Variants in GPHN observed in about 807,000 individuals in gnomAD.
The protein encoded by GPHN is gephyrin.
In GPHN, 17 loss-of-function variants were observed where a neutral mutation model predicts 95.5. The ratio of observed to expected loss-of-function variants is 0.18; its 90% CI spans 0.12 to 0.27. The LOEUF (loss-of-function observed/expected upper bound fraction) is 0.27, where lower values mean the gene tolerates loss of function less well. GPHN is among the 10% of genes least tolerant of loss of function. GPHN has a pLI of 1.00. For synonymous variants in GPHN, 320 were observed against 322.5 expected, an observed-to-expected ratio of 0.99 and a Z score of 0.08; for missense variants, 660 against 978.1, an observed-to-expected ratio of 0.67 and a Z score of 4.34.
intron 13 of GPHN, among the ~76,000 whole-genome samples, chr14:67,107,639 C>T (rs2078118292): frequency 6.6e-6 from 1 of 152,128 alleles, no homozygotes; most frequent in Non-Finnish European, 1.5e-5. Context: ...GTAGTAGTGA[C>T]CCTAGACCCC....
intron 10 of GPHN, among the ~76,000 whole-genome samples, chr14:67,029,988 C>CTT (rs10561726): frequency 4.7e-4 from 61 of 129,906 alleles, no homozygotes; most frequent in East Asian, 3.3e-3. Flanking sequence ...TTTGGTAGCT[C>CTT]TTTTTTTTTT....
chr14:67,229,415 A>G, the GPHN span, among the ~76,000 whole-genome samples: 1 of 152,246 alleles, frequency 6.6e-6, no homozygotes, highest in Non-Finnish European at 1.5e-5. Flanking sequence ...GCCAGTAGGC[A>G]TATATGGCTA....
At chr14:67,109,351 C>A (rs768857856) in intron 13 of GPHN, among the ~76,000 whole-genome samples, 2 of 152,060 alleles carry the variant, frequency 1.3e-5, no homozygotes, top group Admixed American at 1.3e-4. Flanking sequence ...AAATCATTGC[C>A]CCTGACAAGT....
the GPHN span, among the ~76,000 whole-genome samples, chr14:67,324,896 C>CTTT: frequency 7.1e-4 from 81 of 114,354 alleles, no homozygotes; most frequent in African/African-American, 2.2e-3. Context: ...GCCTTCCTTT[C>CTTT]ATTTTTTTTT....
intron 18 of GPHN, among the ~76,000 whole-genome samples, chr14:67,151,321 T>C (rs1036972868): frequency 6.6e-6 from 1 of 152,212 alleles, no homozygotes. Flanking sequence ...AAAATCTTAA[T>C]TGATTTGGCC....
chr14:67,669,203 C>T, the GPHN span, among the ~76,000 whole-genome samples: 5 of 152,084 alleles, frequency 3.3e-5, no homozygotes, highest in Admixed American at 6.5e-5. Context: ...CTCAGGCAAT[C>T]TGGCTCTTGA....
chr14:66,911,276 G>A (rs2065662470), intron 5 of GPHN, among the ~76,000 whole-genome samples: 1 of 151,904 alleles, frequency 6.6e-6, no homozygotes, highest in African/African-American at 2.4e-5. Flanking sequence ...GCAAGAAAAT[G>A]TGGAATGACT....
the GPHN span, among the ~76,000 whole-genome samples, chr14:67,521,142 G>C: frequency 1.3e-5 from 2 of 152,170 alleles, no homozygotes; most frequent in Non-Finnish European, 2.9e-5. Flanking sequence ...GTAGATTGTT[G>C]AATAATATCA....
the GPHN span, among the ~76,000 whole-genome samples, chr14:67,509,669 C>T: frequency 2.7e-3 from 410 of 152,224 alleles, 1 homozygote; most frequent in Non-Finnish European, 4.1e-3. Context: ...TTACCCTCTC[C>T]CCAACATTTG....
At chr14:67,581,095 C>T in the GPHN span, 3 of 1,061,484 alleles carry the variant, frequency 2.8e-6, no homozygotes, top group South Asian at 1.3e-5. Flanking sequence ...TGGGTGCCAG[C>T]TCATCGCCTC....
chr14:67,144,236 TAAAAAAA>T (rs1216565518), intron 18 of GPHN, among the ~76,000 whole-genome samples: 1 of 54,100 alleles, frequency 1.8e-5, no homozygotes, highest in Admixed American at 3.0e-4. Context: ...GACCCTGTCT[TAAAAAAA>T]AAAAAAAATA....
chr14:66,534,220 C>A (rs1020893820), intron 1 of GPHN, among the ~76,000 whole-genome samples: 1 of 152,110 alleles, frequency 6.6e-6, no homozygotes, highest in African/African-American at 2.4e-5. Context: ...TTACAATTAA[C>A]ACTCAGATCA....
intron 2 of GPHN, among the ~76,000 whole-genome samples, chr14:66,707,668 G>A (rs186535447): frequency 7.2e-5 from 11 of 152,286 alleles, no homozygotes; most frequent in Admixed American, 5.9e-4. Context: ...CCTGTTGGGC[G>A]GCGGCAGCGA....
At chr14:67,728,711 G>GC in the GPHN span, among the ~76,000 whole-genome samples, 358 of 151,030 alleles carry the variant, frequency 2.4e-3, 3 homozygotes, top group Admixed American at 4.9e-3. Context: ...TGTGGGGGGG[G>GC]GGTGTTAATC....
At chr14:67,219,967 G>T in the GPHN span, among the ~76,000 whole-genome samples, 1 of 152,168 alleles carries the variant, frequency 6.6e-6, no homozygotes, top group South Asian at 2.1e-4. Flanking sequence ...TGTTAATTAT[G>T]GATGAAAGAT....
chr14:66,578,654 G>GAAAAAAAAAAA (rs574302625), intron 1 of GPHN, among the ~76,000 whole-genome samples: 6 of 59,696 alleles, frequency 1.0e-4, no homozygotes, highest in African/African-American at 1.8e-4. Flanking sequence ...GGGATAGAGT[G>GAAAAAAAAAAA]AAAAAAAAAA....
At chr14:67,353,569 C>T in the GPHN span, 1 of 152,276 alleles carries the variant, frequency 6.6e-6, no homozygotes, top group Non-Finnish European at 1.5e-5. Context: ...CTCATTGCAA[C>T]CTCCACCTCC....
intron 10 of GPHN, among the ~76,000 whole-genome samples, chr14:67,041,292 C>G (rs867232106): frequency 5.3e-5 from 8 of 151,624 alleles, no homozygotes; most frequent in South Asian, 4.2e-4. Context: ...TAGGTATACA[C>G]GTGCCATGGT....
the GPHN span, among the ~76,000 whole-genome samples, chr14:67,466,909 C>T: frequency 3.3e-5 from 5 of 149,884 alleles, no homozygotes; most frequent in African/African-American, 9.8e-5. Context: ...GCAGGAGAAT[C>T]ACCTGAACCC....
Sources: gnomAD v4.1 joint callset for allele counts (sites outside exome capture counted in the v4.1 genomes callset) on GRCh38, gnomAD v4.1.1 for gene constraint, MANE v1.5 for transcripts, NCBI Gene and HGNC (gene_info 2026-07-23, HGNC 2026-07-21) for gene names.